Variants in DSCAML1 observed in about 807,000 individuals in gnomAD.
The protein encoded by DSCAML1 is DS cell adhesion molecule like 1.
DSCAML1 carries 38 observed loss-of-function variants against 200.5 expected under a neutral mutation model. That is an observed-to-expected ratio of 0.19 (90% CI 0.15 to 0.25). DSCAML1 has a LOEUF of 0.25. DSCAML1 is among the 10% of genes least tolerant of loss of function. The pLI is 1.00. For synonymous variants in DSCAML1, 1,215 were observed against 1,165.0 expected, an observed-to-expected ratio of 1.04 and a Z score of -0.87; for missense variants, 2,223 against 2,858.8, an observed-to-expected ratio of 0.78 and a Z score of 5.07.
chr11:117,641,545 C>A (rs116354138), intron 3 of DSCAML1, among the ~76,000 whole-genome samples: 278 of 152,284 alleles, frequency 1.8e-3, no homozygotes, highest in African/African-American at 6.4e-3. Flanking sequence ...TGGGTACTGA[C>A]TGTGGAGGCT....
chr11:117,618,792 G>A (rs1448400195), intron 3 of DSCAML1, among the ~76,000 whole-genome samples: 2 of 152,160 alleles, frequency 1.3e-5, no homozygotes, highest in African/African-American at 4.8e-5. Context: ...GTTGAGGAAT[G>A]GGATCTCTTG....
rs1555032777 is a variant in DSCAML1 at position 117,780,296 on chromosome 11, G to GAAAGAAAGA, written c.364+188_364+196dup. ...AGAAAGAAAGAAAGAAAGAAAGAAA[G>GAAAGAAAGA]AAAGAAAGAGAGAAAGGAGAAAGAA... On this transcript the variant is annotated intron_variant, in intron 2 of 32. Transcript: ENST00000651296. The surrounding 1 kb of genome is among the most constrained non-coding windows in gnomAD (Gnocchi z 4.8). Among the ~76,000 whole-genome samples the GAAAGAAAGA allele has an allele frequency of 7.9e-4, 85 of 106,968 alleles. No individual in the cohort carries two copies. Among genetic ancestry groups the GAAAGAAAGA allele is most frequent in the African/African-American group, 2.4e-3 (79 of 32,552 alleles). The allele number at this position is 106,968 out of a possible 152,430, so 70.2% of individuals were successfully genotyped here.
intron 3 of DSCAML1, among the ~76,000 whole-genome samples, chr11:117,747,677 T>C (rs1289082735): frequency 6.6e-6 from 1 of 152,182 alleles, no homozygotes; most frequent in Non-Finnish European, 1.5e-5. Context: ...TCAGGGACCT[T>C]GCAGCTTCTC....
chr11:117,527,641 A>G (rs1273330895), intron 4 of DSCAML1, among the ~76,000 whole-genome samples: 2 of 152,222 alleles, frequency 1.3e-5, no homozygotes, highest in Non-Finnish European at 2.9e-5. Flanking sequence ...ACATGGAGCT[A>G]AGATCAGAAG....
chr11:117,471,756 C>T (rs1379083008), intron 15 of DSCAML1, 113 bp downstream of exon 15: 2 of 1,180,330 alleles, frequency 1.7e-6, no homozygotes, highest in East Asian at 2.3e-5. Context: ...ATGCTTTTCC[C>T]CACGCCACCC....
At chr11:117,717,537 TA>T (rs1292617317) in intron 3 of DSCAML1, among the ~76,000 whole-genome samples, 1 of 152,174 alleles carries the variant, frequency 6.6e-6, no homozygotes, top group African/African-American at 2.4e-5. Flanking sequence ...AGCTCAGAAA[TA>T]AAAGACCCTG....
intron 11 of DSCAML1, among the ~76,000 whole-genome samples, chr11:117,497,000 G>A (rs1280283533): frequency 2.0e-5 from 3 of 152,168 alleles, no homozygotes; most frequent in Non-Finnish European, 4.4e-5. Context: ...CCCATGTTTC[G>A]TTGGTTCAGG....
chr11:117,789,199 A>C (rs1286960305), intron 1 of DSCAML1, among the ~76,000 whole-genome samples: 2 of 152,210 alleles, frequency 1.3e-5, no homozygotes, highest in Non-Finnish European at 2.9e-5. Flanking sequence ...GGTCCAGTGG[A>C]GACGCAGCTA....
chr11:117,643,982 G>T (rs1303888779), intron 3 of DSCAML1, among the ~76,000 whole-genome samples: 2 of 152,216 alleles, frequency 1.3e-5, no homozygotes, highest in African/African-American at 4.8e-5. Context: ...GCATGGAGAG[G>T]CCCCCTCAGT....
intron 3 of DSCAML1, among the ~76,000 whole-genome samples, chr11:117,705,051 T>C (rs748359906): frequency 5.3e-5 from 8 of 152,204 alleles, no homozygotes; most frequent in Non-Finnish European, 1.0e-4. Context: ...GGGGGACGTC[T>C]GCGGGCTGGA....
chr11:117,456,769 G>T (rs539127833), intron 19 of DSCAML1, among the ~76,000 whole-genome samples: 13 of 150,664 alleles, frequency 8.6e-5, no homozygotes, highest in African/African-American at 2.7e-4. Context: ...CCACCTCCCA[G>T]GTTCAAGCGA....
rs147216951 is a variant in DSCAML1 at position 117,725,512 on chromosome 11, T to C, written c.511+51279A>G. Among the ~76,000 whole-genome samples the C allele has an allele frequency of 4.1e-3, 627 of 152,304 alleles. 3 individuals are homozygous for C. The highest frequency in any genetic ancestry group is 6.1e-3 in the Non-Finnish European group (414 of 68,028). On this transcript the variant is annotated intron_variant, in intron 3 of 32. Coordinates refer to ENST00000651296, the MANE Select transcript of DSCAML1 (RefSeq NM_020693.4). ...TCCTTACTATTATGACTAAATCAAG[T>C]TGGGTGATTTATTTCCCACTTATCT... is the stretch of plus-strand genomic sequence containing the variant.
chr11:117,767,645 T>C (rs1591487659), intron 3 of DSCAML1, among the ~76,000 whole-genome samples: 2 of 152,126 alleles, frequency 1.3e-5, no homozygotes, highest in African/African-American at 2.4e-5. Context: ...CCTTTTCCAC[T>C]CTCTGACTGC....
intron 5 of DSCAML1, among the ~76,000 whole-genome samples, chr11:117,523,581 G>A (rs2049918209): frequency 6.6e-6 from 1 of 152,212 alleles, no homozygotes; most frequent in African/African-American, 2.4e-5. Context: ...TCCAGGCACT[G>A]TAGATAAACA....
In DSCAML1 at chr11:117,531,808, C is replaced by A. The variant is rs1019806527; in HGVS notation, c.658+568G>T. The stretch of plus-strand genomic sequence containing the variant: ...GGTTGAGGCAGGAGAATTGCTTGAA[C>A]CCAGGGGGCGGAAGTTACAGTTAGC... On this transcript the variant is annotated intron_variant, in intron 4 of 32. Coordinates refer to ENST00000651296, the MANE Select transcript of DSCAML1 (RefSeq NM_020693.4). Among the ~76,000 whole-genome samples, 6 of 151,910 alleles carry A rather than the reference C, an allele frequency of 3.9e-5. No homozygotes were observed. The South Asian group carries it at 1.0e-3, about 26-fold the overall frequency.
intron 1 of DSCAML1, among the ~76,000 whole-genome samples, chr11:117,783,987 C>T (rs1290523435): frequency 1.3e-5 from 2 of 152,200 alleles, no homozygotes; most frequent in African/African-American, 4.8e-5. Flanking sequence ...CACTCCTGGG[C>T]CTCGGATCTT....
At chr11:117,596,923 G>C (rs2051370916) in intron 3 of DSCAML1, among the ~76,000 whole-genome samples, 1 of 152,204 alleles carries the variant, frequency 6.6e-6, no homozygotes, top group South Asian at 2.1e-4. Flanking sequence ...AACTAGTTTG[G>C]CATTTACAAG....
intron 20 of DSCAML1, among the ~76,000 whole-genome samples, chr11:117,447,047 T>C (rs2048193812): frequency 6.6e-6 from 1 of 152,142 alleles, no homozygotes; most frequent in African/African-American, 2.4e-5. Context: ...CCCAGCACTT[T>C]GGGAGGCTGA....
chr11:117,672,934 C>T lies in DSCAML1; in HGVS notation c.511+103857G>A, dbSNP rs1362351647. ...AACATTTGGGTGTGCTGTACTAATACATTTCTGCACTTGTTCCCAAAGTCA... is the reference window on the plus strand; with the variant it reads ...AACATTTGGGTGTGCTGTACTAATATATTTCTGCACTTGTTCCCAAAGTCA... On this transcript the variant is annotated intron_variant, in intron 3 of 32. Transcript: ENST00000651296. Among the ~76,000 whole-genome samples, 3 of 152,184 alleles carry T rather than the reference C, an allele frequency of 2.0e-5. No individual in the cohort carries two copies. The East Asian group carries it at 5.8e-4, about 29-fold the overall frequency.
Sources: gnomAD v4.1 joint callset for allele counts (sites outside exome capture counted in the v4.1 genomes callset) on GRCh38, gnomAD v4.1.1 for gene constraint, Gnocchi (gnomAD v3.1) non-coding constraint, MANE v1.5 for transcripts, NCBI Gene and HGNC (gene_info 2026-07-23, HGNC 2026-07-21) for gene names.